The following NFATC1 variants were observed in gnomAD, a reference collection of about 807,000 sequenced individuals.
NFATC1 encodes the protein nuclear factor of activated T cells 1.
Under a neutral mutation model 76.0 loss-of-function variants are expected in NFATC1, and 22 were observed. The ratio of observed to expected loss-of-function variants is 0.29; its 90% confidence interval spans 0.21 to 0.41. NFATC1 has a LOEUF of 0.41. Among genes scored for constraint, NFATC1 ranks in the 10% least tolerant of loss-of-function variants. The probability of loss-of-function intolerance (pLI) is 1.00; values close to 1 mark genes in which losing one functional copy is unlikely to be tolerated. For missense variants in NFATC1, 1,357 were observed against 1,337.7 expected (o/e 1.01, Z -0.23); for synonymous variants, 704 against 613.1 (o/e 1.15, Z -2.19).
chr18:79,470,308 C>A (rs546592784), intron 8 of NFATC1: 1 of 152,294 alleles, frequency 6.6e-6, no homozygotes, highest in Non-Finnish European at 1.5e-5. Flanking sequence ...TTTTCTACAC[C>A]GTCATCATGG....
intron 8 of NFATC1, among the ~76,000 whole-genome samples, chr18:79,471,774 C>T (rs2088796475): frequency 6.6e-6 from 1 of 152,248 alleles, no homozygotes; most frequent in African/African-American, 2.4e-5. Flanking sequence ...ACGTGACATC[C>T]AGGGTGTGAA....
chr18:79,520,831 A>G (rs1427918321), intron 9 of NFATC1, among the ~76,000 whole-genome samples: 1 of 15,406 alleles, frequency 6.5e-5, no homozygotes, highest in Non-Finnish European at 1.1e-4. Context: ...GGGGGGGGGC[A>G]TCCACTGATG....
intron 7 of NFATC1, among the ~76,000 whole-genome samples, chr18:79,464,442 T>C (rs1333907622): frequency 1.3e-5 from 2 of 151,954 alleles, no homozygotes; most frequent in African/African-American, 4.8e-5. Context: ...TTAATATATA[T>C]ATTTTCTCAT....
chr18:79,416,896 C>T (rs566347757), intron 2 of NFATC1, among the ~76,000 whole-genome samples: 8 of 152,344 alleles, frequency 5.3e-5, no homozygotes, highest in East Asian at 1.9e-4. Flanking sequence ...TCCTGGCTCC[C>T]GGCATGGGTG....
Position 79,479,730 on chromosome 18 carries a change from G to A in NFATC1, c.2093-6518G>A, listed in dbSNP as rs11878119. On this transcript the variant is annotated intron_variant, in intron 8 of 9. Transcript: ENST00000427363. ...GGGTCAGGCGGGGCCATTCTGAAAC[G>A]TCCCCTGTGGGTGCCGGGTGCCTCG... Among the ~76,000 whole-genome samples, 456 of 152,342 alleles carry A rather than the reference G, an allele frequency of 3.0e-3. 4 individuals are homozygous for A. The highest frequency in any genetic ancestry group is 0.01 in the African/African-American group (433 of 41,570).
In NFATC1 at chr18:79,464,084, G is replaced by GT. The variant is rs1165854429; in HGVS notation, c.1959+2724dup. Among the ~76,000 whole-genome samples, 5 of 152,292 alleles carry GT rather than the reference G, an allele frequency of 3.3e-5. No homozygotes were observed. In the East Asian group the frequency reaches 9.6e-4, roughly 29 times the overall value. ...ATTGTGTACTTCAAGTTTACTGGTTGTTTTTTGTTTGTTTTTTGTTTTTTT... is the reference window on the plus strand; with the variant it reads ...ATTGTGTACTTCAAGTTTACTGGTTGTTTTTTTGTTTGTTTTTTGTTTTTTT... On this transcript the variant is annotated intron_variant, in intron 7 of 9. Coordinates refer to ENST00000427363, the MANE Select transcript of NFATC1 (RefSeq NM_001278669.2).
intron 9 of NFATC1, among the ~76,000 whole-genome samples, chr18:79,509,251 A>G (rs2090188551): frequency 6.6e-6 from 1 of 152,146 alleles, no homozygotes; most frequent in Non-Finnish European, 1.5e-5. Flanking sequence ...GCTGCCTTCA[A>G]GGCGGAGCTT....
At chr18:79,416,095 C>G (rs1165677432) in intron 2 of NFATC1, among the ~76,000 whole-genome samples, 1 of 152,218 alleles carries the variant, frequency 6.6e-6, no homozygotes, top group Non-Finnish European at 1.5e-5. Flanking sequence ...TTATTTCAGA[C>G]ATTAAGTTTT....
chr18:79,450,984 A>G lies in NFATC1; in HGVS notation c.1620A>G (p.Arg540=). 6.2e-7 allele frequency: 1 copy of G among 1,613,818 alleles called. No homozygotes were observed. Among genetic ancestry groups the G allele is most frequent in the Non-Finnish European group, 8.5e-7 (1 of 1,179,942 alleles). ...VIDCAGILKL[R]NSDIELRKGE... is the part of the protein sequence containing the mutation. ...ACTGTGCCGGAATCCTGAAACTCAG[A>G]AACTCCGACATTGAACTTCGGAAAG... The change falls in exon 5 of 10, where the codon AGA becomes AGG. Residue 540 remains arginine (R), a synonymous_variant. Coordinates refer to ENST00000427363, the MANE Select transcript of NFATC1 (RefSeq NM_001278669.2).
intron 8 of NFATC1, among the ~76,000 whole-genome samples, chr18:79,481,911 G>A (rs1358178048): frequency 1.3e-5 from 2 of 148,520 alleles, no homozygotes; most frequent in African/African-American, 5.1e-5. Flanking sequence ...TGGTCCTGGG[G>A]TGTCATTCCA....
intron 9 of NFATC1, chr18:79,493,624 G>C (rs2145099731): frequency 1.3e-5 from 2 of 152,350 alleles, no homozygotes; most frequent in Middle Eastern, 6.8e-3. Flanking sequence ...TCCTGAGCCG[G>C]AGCTGCTCCG....
chr18:79,432,069 G>A lies in NFATC1; in HGVS notation c.1227-1510G>A, dbSNP rs578023950. 5.3e-5 allele frequency among the ~76,000 whole-genome samples: 8 copies of A among 152,252 alleles called. 1 individual carries two copies. The East Asian group carries it at 1.4e-3, about 26-fold the overall frequency. ...AGGTGTGGGGGCCTTCGGGGGGCTCGGGAGGCAGTTTCCTTTAACTTGCAG... is the reference window on the plus strand; with the variant it reads ...AGGTGTGGGGGCCTTCGGGGGGCTCAGGAGGCAGTTTCCTTTAACTTGCAG... On this transcript the variant is annotated intron_variant, in intron 2 of 9. Transcript: ENST00000427363.
At chr18:79,449,286 G>A (rs1254686153) in intron 4 of NFATC1, among the ~76,000 whole-genome samples, 1 of 152,212 alleles carries the variant, frequency 6.6e-6, no homozygotes, top group Non-Finnish European at 1.5e-5. Flanking sequence ...GCAGTGTAAT[G>A]AGAGGATGGT....
chr18:79,399,970 A>T (rs953922756), intron 1 of NFATC1, among the ~76,000 whole-genome samples: 4 of 88,350 alleles, frequency 4.5e-5, no homozygotes, highest in Admixed American at 2.6e-4. Flanking sequence ...AAACTTCTTT[A>T]AAAAAAAAAC....
chr18:79,421,923 G>C (rs796836073), intron 2 of NFATC1: 3 of 152,246 alleles, frequency 2.0e-5, no homozygotes, highest in Admixed American at 2.0e-4. Flanking sequence ...AGCTCCAGGC[G>C]TCAGAGTCTG....
At chr18:79,498,291 T>G (rs1667679) in intron 9 of NFATC1, 82,898 of 151,214 alleles carry the variant, frequency 0.55, 25,997 homozygotes, top group Non-Finnish European at 0.71. Flanking sequence ...ATTTAAAAAA[T>G]TACAGGGGAG....
intron 9 of NFATC1, among the ~76,000 whole-genome samples, chr18:79,491,892 G>A (rs1422919746): frequency 6.6e-6 from 1 of 152,072 alleles, no homozygotes; most frequent in Non-Finnish European, 1.5e-5. Flanking sequence ...ACCAGAATCA[G>A]AGCTGTGGGT....
rs1349650716 is a variant in NFATC1 at position 79,410,062 on chromosome 18, G to A, written c.128-341G>A. On this transcript the variant is annotated intron_variant, in intron 1 of 9. Coordinates refer to ENST00000427363, the MANE Select transcript of NFATC1 (RefSeq NM_001278669.2). This position sits in a 1 kb window ranked among gnomAD's most constrained non-coding sequence, Gnocchi z 6.7. ...TGGGAAGGACGTTCGGATGAAGATG[G>A]GGTGGTTGGGGAAGGTGGTTTTTGA... is the stretch of plus-strand genomic sequence containing the variant. The A allele has an allele frequency of 7.7e-6, 5 of 645,330 alleles. No individual in the cohort carries two copies. The highest frequency in any genetic ancestry group is 6.9e-5 in the South Asian group (5 of 72,376). 40.0% of individuals were successfully genotyped at this position (645,330 alleles called of 1,614,324 possible).
At position 79,470,034 on chromosome 18, in the gene NFATC1, G is replaced by A. The variant is rs561604475; in HGVS notation, c.2092+2452G>A. ...ACCAGCACCCAGGTATCCGTGTTCC[G>A]TCCCGCGTGCCCGCTGCACTTCCTG... On this transcript the variant is annotated intron_variant, in intron 8 of 9. Transcript: ENST00000427363. 1.5e-4 allele frequency: 144 copies of A among 983,628 alleles called. 1 individual carries two copies. In the Admixed American group the frequency reaches 2.8e-3, roughly 19 times the overall value. 60.9% of individuals were successfully genotyped at this position (983,628 alleles called of 1,614,324 possible).
Sources: gnomAD v4.1 joint callset for allele counts (sites outside exome capture counted in the v4.1 genomes callset) on GRCh38, gnomAD v4.1.1 for gene constraint, Gnocchi (gnomAD v3.1) non-coding constraint, MANE v1.5 for transcripts, NCBI Gene and HGNC (gene_info 2026-07-23, HGNC 2026-07-21) for gene names.